EYS: variants seen among roughly 807,000 people sequenced by gnomAD.
EYS encodes the protein EGF-like photoreceptor maintenance factor, also known as protein eyes shut homolog.
In EYS, 250 loss-of-function variants were observed where a neutral mutation model predicts 282.1. That is an observed-to-expected ratio of 0.89 (90% CI 0.80 to 0.98). The LOEUF (loss-of-function observed/expected upper bound fraction) is 0.98, where lower values mean the gene tolerates loss of function less well. EYS is among the 50% of genes least tolerant of loss of function. The probability of loss-of-function intolerance (pLI) is 0.00; values close to 1 mark genes in which losing one functional copy is unlikely to be tolerated. For synonymous variants in EYS, 1,355 were observed against 1,282.9 expected (o/e 1.06, Z -1.20); for missense variants, 4,016 against 3,709.0 (o/e 1.08, Z -2.15).
In EYS at chr6:65,079,985, A is replaced by G. The variant is rs573164431; in HGVS notation, c.2024-22258T>C. ...ATAATGGTGCATTTTTATTACTATC[A>G]TTAATTAACCCAGAATGGCAAAGAG... On this transcript the variant is annotated intron_variant, in intron 12 of 42. Transcript: ENST00000503581. 2.6e-4 allele frequency among the ~76,000 whole-genome samples: 39 copies of G among 152,230 alleles called. No homozygotes were observed. In the Middle Eastern group the frequency reaches 0.02, roughly 80 times the overall value.
chr6:65,651,708 C>A (rs1767656775), intron 1 of EYS, among the ~76,000 whole-genome samples: 1 of 151,968 alleles, frequency 6.6e-6, no homozygotes, highest in South Asian at 2.1e-4. Flanking sequence ...TCCTTACTTT[C>A]ATGTTTACTT....
intron 26 of EYS, among the ~76,000 whole-genome samples, chr6:64,578,317 T>G (rs1765946816): frequency 6.6e-6 from 1 of 152,122 alleles, no homozygotes; most frequent in African/African-American, 2.4e-5. Flanking sequence ...GTCTCTACCT[T>G]GCTTGCCTGC....
intron 30 of EYS, among the ~76,000 whole-genome samples, chr6:64,249,727 G>A (rs1311395275): frequency 6.6e-6 from 1 of 152,178 alleles, no homozygotes; most frequent in African/African-American, 2.4e-5. Context: ...AGAATCACCT[G>A]ATAAGAGCTG....
chr6:64,969,708 A>T (rs866284078), intron 14 of EYS, among the ~76,000 whole-genome samples: 1 of 152,106 alleles, frequency 6.6e-6, no homozygotes, highest in Non-Finnish European at 1.5e-5. Flanking sequence ...TTAATCCCAC[A>T]TAGCTAGTGA....
chr6:64,163,588 AAAAT>A (rs891146309), intron 31 of EYS, among the ~76,000 whole-genome samples: 7 of 152,222 alleles, frequency 4.6e-5, no homozygotes, highest in African/African-American at 1.2e-4. Context: ...TTTTGAGAAA[AAAAT>A]AACCGTTTAG....
At chr6:65,195,767 A>G (rs1457291005) in intron 12 of EYS, among the ~76,000 whole-genome samples, 1 of 152,070 alleles carries the variant, frequency 6.6e-6, no homozygotes, top group Non-Finnish European at 1.5e-5. Flanking sequence ...ATTCATGCCC[A>G]AGCTGGCATA....
intron 22 of EYS, among the ~76,000 whole-genome samples, chr6:64,658,026 C>T (rs1158420845): frequency 6.6e-6 from 1 of 152,118 alleles, no homozygotes; most frequent in East Asian, 1.9e-4. Flanking sequence ...TCACATAGTC[C>T]CATATTTCTG....
intron 12 of EYS, among the ~76,000 whole-genome samples, chr6:65,166,489 T>A (rs957076617): frequency 2.0e-5 from 3 of 151,300 alleles, no homozygotes; most frequent in African/African-American, 7.2e-5. Context: ...GCATAGAATA[T>A]CCTTTTGGTA....
In EYS at chr6:64,886,699, G is replaced by GTT. The variant is rs1767096095; in HGVS notation, c.2989_2990insAA (p.Thr997LysfsTer8). The GTT allele has an allele frequency of 6.5e-7, 1 of 1,543,984 alleles. No individual in the cohort carries two copies. The highest frequency in any genetic ancestry group is 8.7e-7 in the Non-Finnish European group (1 of 1,143,048). ...ACATGGGACAGATATGGATTTACCT[G>GTT]TATAACCAGGGGCACAGAGGCAGTT... On this transcript the variant is annotated frameshift_variant, in exon 19 of 43. Transcript: ENST00000503581. LOFTEE classifies it high-confidence loss of function.
chr6:64,349,148 G>A (rs1256032899), intron 29 of EYS, among the ~76,000 whole-genome samples: 1 of 151,266 alleles, frequency 6.6e-6, no homozygotes, highest in African/African-American at 2.4e-5. Flanking sequence ...TTTGGTATAA[G>A]AATAACTGCA....
chr6:65,490,871 T>C (rs1339199178), intron 4 of EYS, among the ~76,000 whole-genome samples, 164 bp from the exon 5 acceptor site: 2 of 152,086 alleles, frequency 1.3e-5, no homozygotes, highest in Admixed American at 6.6e-5. Flanking sequence ...AAAAATTAAT[T>C]TTGATACTTT....
chr6:63,775,178 G>A (rs1184641437), intron 40 of EYS, among the ~76,000 whole-genome samples: 1 of 152,164 alleles, frequency 6.6e-6, no homozygotes, highest in Non-Finnish European at 1.5e-5. Context: ...CTCGGAGCAG[G>A]AGAGAAGGGC....
chr6:64,832,869 A>C (rs1394787999), intron 19 of EYS, among the ~76,000 whole-genome samples: 3 of 151,968 alleles, frequency 2.0e-5, no homozygotes, highest in East Asian at 3.9e-4. Flanking sequence ...ATGTGTCTAC[A>C]CAAAGTTACT....
chr6:64,536,339 T>C (rs539809306), intron 26 of EYS, among the ~76,000 whole-genome samples: 2 of 152,284 alleles, frequency 1.3e-5, no homozygotes, highest in East Asian at 3.9e-4. Context: ...ATAAACTATG[T>C]AACAGAGATC....
At chr6:64,205,606 T>A (rs1286052692) in intron 31 of EYS, among the ~76,000 whole-genome samples, 1 of 152,122 alleles carries the variant, frequency 6.6e-6, no homozygotes, top group Non-Finnish European at 1.5e-5. Flanking sequence ...TGTGCAGACA[T>A]ACAGTTTTGT....
intron 31 of EYS, among the ~76,000 whole-genome samples, chr6:64,176,790 C>A (rs2150309753): frequency 6.6e-6 from 1 of 152,016 alleles, no homozygotes; most frequent in Non-Finnish European, 1.5e-5. Flanking sequence ...GAAGTGCTTT[C>A]AAATTGTTTG....
In EYS at chr6:65,672,829, T is replaced by A. The variant is rs542693655; in HGVS notation, c.-447-32937A>T. 6.2e-4 allele frequency among the ~76,000 whole-genome samples: 95 copies of A among 152,214 alleles called. 2 individuals are homozygous for A. Among genetic ancestry groups the A allele is most frequent in the African/African-American group, 2.2e-3 (93 of 41,580 alleles). On this transcript the variant is annotated intron_variant, in intron 1 of 42. Coordinates refer to ENST00000503581, the MANE Select transcript of EYS (RefSeq NM_001142800.2). Reference sequence around the variant, plus strand: ...TTTGTGTGGCAATAAAGCTTTTTAATCACCTGGGTGCAGGCGGGCTGAGTC... The same window carrying A: ...TTTGTGTGGCAATAAAGCTTTTTAAACACCTGGGTGCAGGCGGGCTGAGTC...
intron 12 of EYS, among the ~76,000 whole-genome samples, chr6:65,292,644 A>T (rs1214726365): frequency 6.6e-6 from 1 of 151,750 alleles, no homozygotes; most frequent in Non-Finnish European, 1.5e-5. Context: ...AACCTGAAGG[A>T]ATATAGTACA....
intron 40 of EYS, among the ~76,000 whole-genome samples, chr6:63,766,078 A>AT (rs1301024750): frequency 4.0e-5 from 6 of 151,818 alleles, no homozygotes; most frequent in East Asian, 3.9e-4. Flanking sequence ...ATCTTAGCAT[A>AT]TTTTTTTTGC....
Sources: allele counts gnomAD v4.1 joint callset (sites outside exome capture counted in the v4.1 genomes callset), GRCh38; gene constraint gnomAD v4.1.1; transcripts MANE v1.5; gene names NCBI Gene and HGNC (gene_info 2026-07-23, HGNC 2026-07-21).